Variants in FREM1 observed in about 807,000 individuals in gnomAD.
FREM1 encodes FRAS1-related extracellular matrix protein 1.
FREM1 carries 220 observed loss-of-function variants against 210.1 expected under a neutral mutation model. The ratio of observed to expected loss-of-function variants is 1.05; its 90% CI spans 0.94 to 1.17. The LOEUF is 1.17. Among genes scored for constraint, FREM1 ranks in the 50% most tolerant of loss-of-function variants. The probability of loss-of-function intolerance (pLI) is 0.00; values close to 1 mark genes in which losing one functional copy is unlikely to be tolerated. For synonymous variants in FREM1, 1,189 were observed against 980.2 expected, an observed-to-expected ratio of 1.21 and a Z score of -3.98; for missense variants, 3,454 against 2,675.5, an observed-to-expected ratio of 1.29 and a Z score of -6.42.
chr9:14,785,577 T>C (rs1242653250), intron 23 of FREM1, among the ~76,000 whole-genome samples: 5 of 152,188 alleles, frequency 3.3e-5, no homozygotes, highest in African/African-American at 1.2e-4. Flanking sequence ...AAATGTGGCA[T>C]ATACATACAC....
At chr9:14,907,316 CAG>C (rs1426779908) in intron 1 of FREM1, among the ~76,000 whole-genome samples, 12 of 152,316 alleles carry the variant, frequency 7.9e-5, no homozygotes, top group Admixed American at 2.0e-4. Context: ...AGCTGCATTA[CAG>C]ACAAAATATA....
chr9:14,799,368 T>C (rs983432533), intron 20 of FREM1, among the ~76,000 whole-genome samples: 1 of 152,012 alleles, frequency 6.6e-6, no homozygotes, highest in African/African-American at 2.4e-5. Context: ...TTTGGGGGGA[T>C]GTTTATGAGA....
chr9:14,869,106 C>T lies in FREM1; in HGVS notation c.-129G>A. The T allele has an allele frequency of 5.0e-6, 3 of 605,608 alleles. No homozygotes were observed. The highest frequency in any genetic ancestry group is 5.7e-6 in the Non-Finnish European group (2 of 352,078). 37.5% of individuals were successfully genotyped at this position (605,608 alleles called of 1,614,324 possible). On this transcript the variant is annotated 5_prime_UTR_variant, in exon 2 of 37. Transcript: ENST00000380880. Reference sequence around the variant, plus strand: ...GGTGAGGGGTCCTGACAATGTGCCCCGAGATCTTAACATGCCCCTTTCATT... The same window carrying T: ...GGTGAGGGGTCCTGACAATGTGCCCTGAGATCTTAACATGCCCCTTTCATT...
Position 14,842,347 on chromosome 9 carries a change from C to A in FREM1, c.1707G>T (p.Glu569Asp). Residue 569 changes from glutamate (E) to aspartate (D), a missense_variant, in exon 9 of 37, where the codon GAG becomes GAT. By Grantham distance (45) the Glu-to-Asp change is conservative. Transcript: ENST00000380880. ...GTCCTGGCCCTGGCTTCTTCATGAT[C>A]TCCCCAGCCTGTGGAGGCTTTGTGA... is the stretch of plus-strand genomic sequence containing the variant. Reference protein sequence around the residue: ...FNITKPPQAGEIMKKPGPGLI... With the variant: ...FNITKPPQAGDIMKKPGPGLI... 6.3e-7 allele frequency: 1 copy of A among 1,597,008 alleles called. No homozygotes were observed.
chr9:14,809,260 T>G (rs150113238), intron 16 of FREM1, among the ~76,000 whole-genome samples: 1 of 152,218 alleles, frequency 6.6e-6, no homozygotes, highest in African/African-American at 2.4e-5. Context: ...CATGGAACTG[T>G]AAGTCCATTA....
chr9:14,825,488 CAA>C (rs137921355), intron 10 of FREM1, among the ~76,000 whole-genome samples: 17,747 of 68,494 alleles, frequency 0.26, 1,505 homozygotes, highest in Admixed American at 0.31. Context: ...GACTCCATTT[CAA>C]AAAAAAAAAA....
rs1253976172 is a variant in FREM1 at position 14,794,683 on chromosome 9, C to G, written c.3840-1799G>C. On this transcript the variant is annotated intron_variant, in intron 21 of 36. Coordinates refer to ENST00000380880, the MANE Select transcript of FREM1 (RefSeq NM_001379081.2). Reference sequence around the variant, plus strand: ...GATTTGGCGGGAAAGCCAAGAGTAACTTTTAAGGGAGCATCTTTAATAAAG... The same window carrying G: ...GATTTGGCGGGAAAGCCAAGAGTAAGTTTTAAGGGAGCATCTTTAATAAAG... 5.3e-5 allele frequency among the ~76,000 whole-genome samples: 8 copies of G among 152,258 alleles called. No homozygotes were observed. The East Asian group carries it at 7.7e-4, about 15-fold the overall frequency.
chr9:14,871,116 C>G (rs1487839083), intron 1 of FREM1, among the ~76,000 whole-genome samples: 1 of 152,188 alleles, frequency 6.6e-6, no homozygotes, highest in South Asian at 2.1e-4. Flanking sequence ...AATAAACATA[C>G]GTGTGCATGT....
intron 1 of FREM1, among the ~76,000 whole-genome samples, chr9:14,908,981 A>G (rs556166604): frequency 6.6e-6 from 1 of 152,302 alleles, no homozygotes; most frequent in East Asian, 1.9e-4. Context: ...CAGCTCTTCA[A>G]GCTTTACCTA....
Position 14,810,204 on chromosome 9 carries a change from G to T in FREM1, c.2894-2070C>A, listed in dbSNP as rs545552774. On this transcript the variant is annotated intron_variant, in intron 16 of 36. Coordinates refer to ENST00000380880, the MANE Select transcript of FREM1 (RefSeq NM_001379081.2). ...AGATCTGTAGGGAGAGGCAATGGGG[G>T]AGAGAAATGAAAAGTCACTCTAGAA... Among the ~76,000 whole-genome samples the T allele has an allele frequency of 2.0e-5, 3 of 152,152 alleles. No homozygotes were observed. The East Asian group carries it at 5.8e-4, about 29-fold the overall frequency.
chr9:14,762,956 G>A (rs577270991), intron 27 of FREM1, among the ~76,000 whole-genome samples: 2 of 152,244 alleles, frequency 1.3e-5, no homozygotes, highest in South Asian at 2.1e-4. Context: ...GCCCATGAGA[G>A]AAATTCGTAA....
Position 14,854,462 on chromosome 9 carries a change from C to T in FREM1, c.829-2855G>A, listed in dbSNP as rs769363074. ...ACAAATTGATCATTAATGGAAAAAGCAGAGAGACCACATAATTTCAAAGAT... is the reference window on the plus strand; with the variant it reads ...ACAAATTGATCATTAATGGAAAAAGTAGAGAGACCACATAATTTCAAAGAT... On this transcript the variant is annotated intron_variant, in intron 5 of 36. Transcript: ENST00000380880. 2.0e-5 allele frequency among the ~76,000 whole-genome samples: 3 copies of T among 152,056 alleles called. No homozygotes were observed. In the East Asian group the frequency reaches 5.8e-4, roughly 29 times the overall value.
rs745403037 is a variant in FREM1 at position 14,805,059 on chromosome 9, A to G, written c.3368T>C (p.Val1123Ala). The G allele has an allele frequency of 1.2e-5, 20 of 1,613,184 alleles. No homozygotes were observed. The highest frequency in any genetic ancestry group is 7.7e-5 in the South Asian group (7 of 91,050). Residue 1123 changes from valine (V) to alanine (A), a missense_variant, in exon 19 of 37, where the codon GTG (valine) becomes GCG (alanine). Physicochemically the swap from Val to Ala is moderately conservative, Grantham distance 64. Coordinates refer to ENST00000380880, the MANE Select transcript of FREM1 (RefSeq NM_001379081.2). The part of the protein sequence containing the change: ...RIEPTADQFT[V>A]YVTDGKHHSL... ...GTGATGCTTCCCATCTGTGACGTACACCGTGAACTGGTCGGCAGTTGGTTC... is the reference window on the plus strand; with the variant it reads ...GTGATGCTTCCCATCTGTGACGTACGCCGTGAACTGGTCGGCAGTTGGTTC...
intron 1 of FREM1, among the ~76,000 whole-genome samples, chr9:14,880,974 C>T (rs917575178): frequency 6.6e-5 from 10 of 152,170 alleles, no homozygotes; most frequent in Non-Finnish European, 1.2e-4. Context: ...TGTGGCAATC[C>T]ACCTATTAAT....
In FREM1 at chr9:14,842,361, G is replaced by C; in HGVS notation, c.1693C>G (p.Pro565Ala). ...DYIFFNITKP[P>A]QAGEIMKKPG... ...TTCTTCATGATCTCCCCAGCCTGTG[G>C]AGGCTTTGTGATATTGAAGAAGATG... Residue 565 changes from proline to alanine, a missense_variant, in exon 9 of 37, where the codon CCA becomes GCA. Physicochemically the swap from Pro to Ala is conservative, Grantham distance 27. Transcript: ENST00000380880. The C allele has an allele frequency of 4.4e-6, 7 of 1,607,718 alleles. No individual in the cohort carries two copies. The highest frequency in any genetic ancestry group is 1.3e-5 in the African/African-American group (1 of 74,894).
At chr9:14,743,987 C>T (rs539901224) in intron 35 of FREM1, among the ~76,000 whole-genome samples, 32 of 152,010 alleles carry the variant, frequency 2.1e-4, no homozygotes, top group East Asian at 5.8e-4. Flanking sequence ...ATCTTAATGA[C>T]GGAAGAATGT....
chr9:14,807,989 G>C lies in FREM1; in HGVS notation c.3039C>G (p.Leu1013=), dbSNP rs769462578. Residue 1013 remains leucine, a synonymous_variant, in exon 17 of 37, where the codon CTC becomes CTG. Coordinates refer to ENST00000380880, the MANE Select transcript of FREM1 (RefSeq NM_001379081.2). ...TGTCTACTGGGTATACCGTGATGTT[G>C]AGATCATACACTGGAAAGGACGCAT... ...PLHASFPVYD[L]NITVYPVDNQ... 5 of 1,613,674 alleles carry C rather than the reference G, an allele frequency of 3.1e-6. No individual in the cohort carries two copies. The highest frequency in any genetic ancestry group is 4.2e-6 in the Non-Finnish European group (5 of 1,179,760).
intron 23 of FREM1, among the ~76,000 whole-genome samples, chr9:14,788,245 A>C (rs1490129220): frequency 1.3e-5 from 2 of 152,168 alleles, no homozygotes; most frequent in African/African-American, 2.4e-5. Context: ...GGGTAGTAAC[A>C]GTTGGGTATC....
intron 1 of FREM1, among the ~76,000 whole-genome samples, chr9:14,900,326 A>G (rs2132583555): frequency 6.6e-6 from 1 of 152,370 alleles, no homozygotes; most frequent in East Asian, 1.9e-4. Context: ...ATGGAGAACC[A>G]CTGCTGCAAA....
Sources: allele counts gnomAD v4.1 joint callset (sites outside exome capture counted in the v4.1 genomes callset), GRCh38; gene constraint gnomAD v4.1.1; transcripts MANE v1.5; gene names NCBI Gene and HGNC (gene_info 2026-07-23, HGNC 2026-07-21).